Variants in BNC2 observed in about 807,000 individuals in gnomAD.
BNC2 encodes the protein basonuclin zinc finger protein 2.
Under a neutral mutation model 76.3 loss-of-function variants are expected in BNC2, and 20 were observed. The ratio of observed to expected loss-of-function variants is 0.26; its 90% CI spans 0.18 to 0.38. The LOEUF is 0.38. Ranked by LOEUF, BNC2 falls within the 10% of genes least tolerant of loss-of-function variation. The probability of loss-of-function intolerance (pLI) is 1.00; values close to 1 mark genes in which losing one functional copy is unlikely to be tolerated. For missense variants in BNC2, 1,382 were observed against 1,399.8 expected, an observed-to-expected ratio of 0.99 and a Z score of 0.20; for synonymous variants, 582 against 514.8, an observed-to-expected ratio of 1.13 and a Z score of -1.77.
chr9:16,751,656 A>ATGTG (rs1825206989), intron 1 of BNC2, among the ~76,000 whole-genome samples: 1 of 64,598 alleles, frequency 1.5e-5, no homozygotes, highest in African/African-American at 4.0e-5. Flanking sequence ...GTGTGTATAT[A>ATGTG]TATATGTATG....
chr9:16,831,319 A>G (rs1230727130), intron 1 of BNC2, among the ~76,000 whole-genome samples: 1 of 152,238 alleles, frequency 6.6e-6, no homozygotes, highest in Non-Finnish European at 1.5e-5. Flanking sequence ...TGTCTAAAAG[A>G]TGGATGAGCT....
At chr9:16,575,874 C>A (rs760623778) in intron 4 of BNC2, among the ~76,000 whole-genome samples, 4 of 152,206 alleles carry the variant, frequency 2.6e-5, no homozygotes, top group Non-Finnish European at 4.4e-5. Flanking sequence ...AATTTTGCAG[C>A]TAGGCAAAGC....
At chr9:16,470,165 T>C (rs1176928407) in intron 5 of BNC2, among the ~76,000 whole-genome samples, 1 of 151,774 alleles carries the variant, frequency 6.6e-6, no homozygotes, top group African/African-American at 2.4e-5. Flanking sequence ...GCCCAGCTAA[T>C]TTTTTATATT....
Position 16,802,903 on chromosome 9 carries a change from T to C in BNC2, c.4-64418A>G, listed in dbSNP as rs1432704752. ...CTTTGGGGAATAAAGACACGCAACT[T>C]TGTACTACTTGGCAAACTTATTCAT... On this transcript the variant is annotated intron_variant, in intron 1 of 6. Coordinates refer to ENST00000380672, the MANE Select transcript of BNC2 (RefSeq NM_017637.6). Among the ~76,000 whole-genome samples, 5 of 152,316 alleles carry C rather than the reference T, an allele frequency of 3.3e-5. No individual in the cohort carries two copies. In the East Asian group the frequency reaches 9.7e-4, roughly 29 times the overall value.
At chr9:16,594,392 T>C (rs891712738) in intron 3 of BNC2, among the ~76,000 whole-genome samples, 18 of 152,068 alleles carry the variant, frequency 1.2e-4, no homozygotes, top group Admixed American at 2.0e-4. Context: ...AAGAAAGGAG[T>C]TCCTCTAAAT....
intron 3 of BNC2, among the ~76,000 whole-genome samples, chr9:16,711,302 G>A (rs1345222514): frequency 6.6e-6 from 1 of 152,140 alleles, no homozygotes; most frequent in Admixed American, 6.5e-5. Flanking sequence ...CAAAGATCAG[G>A]GGAATTATCT....
In BNC2 at chr9:16,833,624, G is replaced by A. The variant is rs1241978379; in HGVS notation, c.3+37022C>T. On this transcript the variant is annotated intron_variant, in intron 1 of 6. Coordinates refer to ENST00000380672, the MANE Select transcript of BNC2 (RefSeq NM_017637.6). Reference sequence around the variant, plus strand: ...GCCCATTATGGGGGCCTCACATGCTGGGAATTGCTGGTTATTTGGCCACTT... The same window carrying A: ...GCCCATTATGGGGGCCTCACATGCTAGGAATTGCTGGTTATTTGGCCACTT... 3.3e-5 allele frequency among the ~76,000 whole-genome samples: 5 copies of A among 152,074 alleles called. No individual in the cohort carries two copies. In the South Asian group the frequency reaches 8.3e-4, roughly 25 times the overall value.
intron 1 of BNC2, among the ~76,000 whole-genome samples, chr9:16,798,471 A>C (rs1170424547): frequency 6.6e-6 from 1 of 152,228 alleles, no homozygotes; most frequent in African/African-American, 2.4e-5. Context: ...TTTGCAGACA[A>C]GTATGACAAA....
At chr9:16,463,354 T>C (rs1028752119) in intron 5 of BNC2, among the ~76,000 whole-genome samples, 35 of 128,748 alleles carry the variant, frequency 2.7e-4, no homozygotes, top group Admixed American at 6.0e-4. Flanking sequence ...TGGAGTGCAG[T>C]GGCGGGATCT....
chr9:16,551,575 T>C (rs187546838), intron 5 of BNC2, among the ~76,000 whole-genome samples: 6 of 152,362 alleles, frequency 3.9e-5, no homozygotes, highest in African/African-American at 1.4e-4. Flanking sequence ...ATTATCCTCA[T>C]GGGAAATTTG....
intron 1 of BNC2, among the ~76,000 whole-genome samples, chr9:16,813,384 G>A (rs1818102997): frequency 6.6e-6 from 1 of 151,158 alleles, no homozygotes; most frequent in Non-Finnish European, 1.5e-5. Flanking sequence ...TCCTGCCTCA[G>A]CCTCCCGAGT....
At chr9:16,659,349 C>T (rs7047029) in intron 3 of BNC2, among the ~76,000 whole-genome samples, 9,549 of 152,114 alleles carry the variant, frequency 0.063, 1,005 homozygotes, top group African/African-American at 0.21. Flanking sequence ...CAGTGGCTCA[C>T]GCGTAATCAC....
At chr9:16,781,087 T>TA (rs1169485448) in intron 1 of BNC2, among the ~76,000 whole-genome samples, 1 of 152,032 alleles carries the variant, frequency 6.6e-6, no homozygotes, top group Non-Finnish European at 1.5e-5. Flanking sequence ...GTGGGCACTC[T>TA]AAAAAAATGG....
chr9:16,837,692 T>C (rs917554836), intron 1 of BNC2, among the ~76,000 whole-genome samples: 6 of 152,182 alleles, frequency 3.9e-5, no homozygotes, highest in Non-Finnish European at 7.3e-5. Context: ...TATCACACTG[T>C]GATCCTCTGA....
intron 1 of BNC2, among the ~76,000 whole-genome samples, chr9:16,755,404 G>A (rs747435008): frequency 1.3e-5 from 2 of 152,154 alleles, no homozygotes; most frequent in Admixed American, 6.5e-5. Context: ...ACAAGAGTAG[G>A]TGATGTAAAC....
intron 3 of BNC2, among the ~76,000 whole-genome samples, chr9:16,692,527 T>A (rs924476004): frequency 6.6e-6 from 1 of 152,092 alleles, no homozygotes; most frequent in Non-Finnish European, 1.5e-5. Flanking sequence ...AAGGATTCAG[T>A]AGGTACACAG....
Position 16,616,830 on chromosome 9 carries a change from A to AGGAAGGAAGGAAGGAAGGAAGGAC in BNC2, c.331-33746_331-33745insGTCCTTCCTTCCTTCCTTCCTTCC, listed in dbSNP as rs1820717799. On this transcript the variant is annotated intron_variant, in intron 3 of 6. Transcript: ENST00000380672. Reference sequence around the variant, plus strand: ...AAGGAAGGAAGGAAGAAAGGAAGGAAGGAAGGAAGTTCTACTGACACGTGG... The same window carrying AGGAAGGAAGGAAGGAAGGAAGGAC: ...AAGGAAGGAAGGAAGAAAGGAAGGAAGGAAGGAAGGAAGGAAGGAAGGACGGAAGGAAGTTCTACTGACACGTGG... Among the ~76,000 whole-genome samples the AGGAAGGAAGGAAGGAAGGAAGGAC allele has an allele frequency of 3.3e-5, 5 of 151,348 alleles. No homozygotes were observed. In the South Asian group the frequency reaches 1.1e-3, roughly 32 times the overall value.
intron 5 of BNC2, among the ~76,000 whole-genome samples, chr9:16,512,914 T>C (rs1393378253): frequency 6.6e-6 from 1 of 151,240 alleles, no homozygotes; most frequent in African/African-American, 2.4e-5. Context: ...GGGGGGAAGA[T>C]CACTTGAGGC....
intron 1 of BNC2, among the ~76,000 whole-genome samples, chr9:16,814,894 G>T (rs1320533607): frequency 6.6e-6 from 1 of 152,090 alleles, no homozygotes; most frequent in African/African-American, 2.4e-5. Flanking sequence ...ACACTCAAGA[G>T]AGATAATGTT....
Sources: allele counts gnomAD v4.1 joint callset (sites outside exome capture counted in the v4.1 genomes callset), GRCh38; gene constraint gnomAD v4.1.1; transcripts MANE v1.5; gene names NCBI Gene and HGNC (gene_info 2026-07-23, HGNC 2026-07-21).